Variants in VPS54 observed in about 807,000 individuals in gnomAD.
VPS54 encodes the protein VPS54 subunit of GARP complex.
A neutral mutation model predicts 121.5 loss-of-function variants in VPS54; 45 were observed. That is an observed-to-expected ratio of 0.37 (90% confidence interval 0.29 to 0.47). The LOEUF (loss-of-function observed/expected upper bound fraction) is 0.47, where lower values mean the gene tolerates loss of function less well. Among genes scored for constraint, VPS54 ranks in the 20% least tolerant of loss-of-function variants. VPS54 has a pLI of 0.99. For synonymous variants in VPS54, 371 were observed against 385.8 expected (o/e 0.96, Z 0.45); for missense variants, 1,090 against 1,131.4 (o/e 0.96, Z 0.52).
chr2:63,976,431 A>C (rs1337040239), intron 3 of VPS54, among the ~76,000 whole-genome samples: 1 of 151,730 alleles, frequency 6.6e-6, no homozygotes, highest in Admixed American at 6.6e-5. Context: ...GTCTGATTTT[A>C]GTATTAGCTT....
At chr2:63,895,546 T>C (rs1314032475) in intron 22 of VPS54, among the ~76,000 whole-genome samples, 1 of 152,162 alleles carries the variant, frequency 6.6e-6, no homozygotes, top group East Asian at 1.9e-4. Context: ...AGTGAAAATG[T>C]TTGGAACTAG....
chr2:64,018,868 G>C (rs1334914572), intron 1 of VPS54, 70 bp downstream of exon 1: 1 of 150,604 alleles, frequency 6.6e-6, no homozygotes, highest in Non-Finnish European at 1.5e-5. Flanking sequence ...TGGGGTCTCG[G>C]TCCCTCTCTC....
chr2:63,925,564 T>C (rs1673859144), intron 12 of VPS54, among the ~76,000 whole-genome samples: 1 of 152,226 alleles, frequency 6.6e-6, no homozygotes, highest in Non-Finnish European at 1.5e-5. Flanking sequence ...AGAAGAATGT[T>C]CGTGACAATC....
chr2:63,989,597 C>T lies in VPS54; in HGVS notation c.-20-5578G>A, dbSNP rs556042193. Among the ~76,000 whole-genome samples, 33 of 152,252 alleles carry T rather than the reference C, an allele frequency of 2.2e-4. No homozygotes were observed. In the South Asian group the frequency reaches 2.3e-3, roughly 11 times the overall value. On this transcript the variant is annotated intron_variant, in intron 1 of 22. Coordinates refer to ENST00000272322, the MANE Select transcript of VPS54 (RefSeq NM_016516.3). ...TTTTTCCTAAGTGCACGTGGGAACC[C>T]GATTCCCTTTGGTAGGTGCGGAGAA...
intron 3 of VPS54, chr2:63,975,242 T>G (rs540479048): frequency 2.2e-6 from 1 of 453,882 alleles, no homozygotes; most frequent in East Asian, 3.2e-5. Context: ...CAACTCCATC[T>G]TGCTTCTAAC....
Position 63,962,207 on chromosome 2 carries a change from G to A in VPS54, c.861C>T (p.Tyr287=), listed in dbSNP as rs760400892. Residue 287 remains tyrosine, a synonymous_variant, in exon 7 of 23, where the codon TAC becomes TAT. Transcript: ENST00000272322. ...CAGTGGCCATTAACTTCAGCTTATTGTATACTTTAACACAATTATTTCTGG... is the reference window on the plus strand; with the variant it reads ...CAGTGGCCATTAACTTCAGCTTATTATATACTTTAACACAATTATTTCTGG... ...ALTRNNCVKV[Y]NKLKLMATVH... The A allele has an allele frequency of 1.2e-6, 2 of 1,613,986 alleles. No individual in the cohort carries two copies. Among genetic ancestry groups the A allele is most frequent in the Non-Finnish European group, 1.7e-6 (2 of 1,179,886 alleles).
chr2:63,906,003 T>C (rs1329321734), intron 20 of VPS54, among the ~76,000 whole-genome samples: 1 of 152,104 alleles, frequency 6.6e-6, no homozygotes, highest in African/African-American at 2.4e-5. Flanking sequence ...TATAAACCTC[T>C]TAGCAAACTT....
intron 7 of VPS54, 69 bp from the exon 8 acceptor site, chr2:63,949,232 G>A: frequency 6.7e-7 from 1 of 1,486,364 alleles, no homozygotes; most frequent in Non-Finnish European, 9.0e-7. Flanking sequence ...ACAATCAAGG[G>A]AACTAGTAGG....
intron 12 of VPS54, among the ~76,000 whole-genome samples, chr2:63,931,839 G>A (rs1252313862): frequency 1.3e-5 from 2 of 152,120 alleles, no homozygotes; most frequent in Admixed American, 6.5e-5. Flanking sequence ...TCAAAAAGTG[G>A]GCAAAGGATA....
chr2:63,963,830 T>C (rs1345130015), intron 6 of VPS54, among the ~76,000 whole-genome samples: 4 of 152,274 alleles, frequency 2.6e-5, no homozygotes, highest in Non-Finnish European at 4.4e-5. Flanking sequence ...TAGATAACTT[T>C]AGGACAGTGC....
rs1476200063 is a variant in VPS54, at chr2:63,893,089, TTAATA to T, written c.*336_*340del. 4.6e-6 allele frequency: 1 copy of T among 216,574 alleles called. No homozygotes were observed. Among genetic ancestry groups the T allele is most frequent in the East Asian group, 1.1e-4 (1 of 9,164 alleles). The allele number at this position is 216,574 out of a possible 1,614,324, so 13.4% of individuals were successfully genotyped here. A position where few individuals can be genotyped will look rare whatever the true frequency, so the allele number is the denominator to read the frequency against. On this transcript the variant is annotated 3_prime_UTR_variant, in exon 23 of 23. Transcript: ENST00000272322. ...CACTGGAAGAAATGCAAAGCATTTT[TTAATA>T]TAAAGTATACAGAGCATTCTAGTCA... is the stretch of plus-strand genomic sequence containing the variant.
chr2:63,927,698 T>TA (rs1233724431), intron 12 of VPS54, among the ~76,000 whole-genome samples: 1 of 152,078 alleles, frequency 6.6e-6, no homozygotes, highest in East Asian at 1.9e-4. Context: ...AGAAGGTCGG[T>TA]AATAACAAAC....
intron 6 of VPS54, 129 bp from the exon 7 acceptor site, chr2:63,962,572 T>A: frequency 8.5e-7 from 1 of 1,177,324 alleles, no homozygotes; most frequent in Non-Finnish European, 1.2e-6. Flanking sequence ...TGTTTGATTG[T>A]GAGATCCTTG....
At chr2:63,954,080 G>A (rs1483015272) in intron 7 of VPS54, among the ~76,000 whole-genome samples, 1 of 152,092 alleles carries the variant, frequency 6.6e-6, no homozygotes, top group African/African-American at 2.4e-5. Context: ...CCAGTAGCAA[G>A]AACATGCCTA....
chr2:63,893,992 G>A (rs1298683322), intron 22 of VPS54, among the ~76,000 whole-genome samples: 3 of 152,126 alleles, frequency 2.0e-5, no homozygotes, highest in African/African-American at 7.2e-5. Flanking sequence ...AGCGATACTG[G>A]ATATTTCTTT....
At chr2:64,006,113 T>A (rs535145379) in intron 1 of VPS54, among the ~76,000 whole-genome samples, 10 of 152,330 alleles carry the variant, frequency 6.6e-5, no homozygotes, top group East Asian at 3.9e-4. Flanking sequence ...ACTGTAAACT[T>A]ACTTACTTAT....
At chr2:63,936,901 G>A (rs1048456687) in intron 11 of VPS54, among the ~76,000 whole-genome samples, 1 of 152,002 alleles carries the variant, frequency 6.6e-6, no homozygotes, top group African/African-American at 2.4e-5. Context: ...AATGCAGAAA[G>A]GTCAGTCTTT....
intron 3 of VPS54, among the ~76,000 whole-genome samples, chr2:63,972,970 G>A (rs1017177194): frequency 2.6e-5 from 4 of 151,956 alleles, no homozygotes; most frequent in African/African-American, 9.7e-5. Flanking sequence ...TTTAGAATTA[G>A]ATGACCACTA....
chr2:63,991,000 T>C (rs964233385), intron 1 of VPS54, among the ~76,000 whole-genome samples: 3 of 152,198 alleles, frequency 2.0e-5, no homozygotes, highest in African/African-American at 7.2e-5. Context: ...ATTTCGTATC[T>C]GGTGGTCACA....
Sources: gnomAD v4.1 joint callset for allele counts (sites outside exome capture counted in the v4.1 genomes callset) on GRCh38, gnomAD v4.1.1 for gene constraint, MANE v1.5 for transcripts, NCBI Gene and HGNC (gene_info 2026-07-23, HGNC 2026-07-21) for gene names.